NOL9: variants seen among roughly 807,000 people sequenced by gnomAD.
The protein encoded by NOL9 is polynucleotide 5'-hydroxyl-kinase NOL9.
NOL9 carries 28 observed loss-of-function variants against 67.9 expected under a neutral mutation model. That is an observed-to-expected ratio of 0.41 (90% CI 0.31 to 0.57). The LOEUF (loss-of-function observed/expected upper bound fraction) is 0.57, where lower values mean the gene tolerates loss of function less well. NOL9 is among the 20% of genes least tolerant of loss of function. The pLI is 0.25. For missense variants in NOL9, 777 were observed against 897.0 expected, an observed-to-expected ratio of 0.87 and a Z score of 1.71; for synonymous variants, 356 against 352.2, an observed-to-expected ratio of 1.01 and a Z score of -0.12.
chr1:6,532,607 A>G lies in NOL9; in HGVS notation c.1391T>C (p.Met464Thr), dbSNP rs1371033018. The change falls in exon 8 of 12, where the codon ATG (methionine) becomes ACG (threonine). Residue 464 changes from methionine (M) to threonine (T), a missense_variant. By Grantham distance (81) the Met-to-Thr change is moderately conservative. Around this residue, in one of 2 missense-constraint regions of NOL9, gnomAD observed 413 missense variants for 552.6 expected, o/e 0.75. Coordinates refer to ENST00000377705, the MANE Select transcript of NOL9 (RefSeq NM_024654.5). ...TGCGAGTCTGAAACGTCGATTTCTC[A>G]TCTTGGTCTTGCTTTTTGTGTACAA... ...DGLYTKSKTKMRNRRFRLAAF... is the reference protein window; with the variant it reads ...DGLYTKSKTKTRNRRFRLAAF... 4.3e-6 allele frequency: 7 copies of G among 1,614,136 alleles called. No individual in the cohort carries two copies. In the South Asian group the frequency reaches 7.7e-5, roughly 18 times the overall value.
chr1:6,554,317 C>T lies in NOL9; in HGVS notation c.186G>A (p.Trp62Ter). The T allele has an allele frequency of 6.8e-7, 1 of 1,473,726 alleles. No individual in the cohort carries two copies. Among genetic ancestry groups the T allele is most frequent in the South Asian group, 1.4e-5 (1 of 74,026 alleles). The allele number at this position is 1,473,726 out of a possible 1,614,324, so 91.3% of individuals were successfully genotyped here. Residue 62 changes from tryptophan to a stop codon, truncating the protein, a stop_gained, in exon 1 of 12, where the codon TGG becomes TGA. Transcript: ENST00000377705. LOFTEE classifies it high-confidence loss of function. Reference protein sequence around the residue: ...LLQAQASGVDWREGARQVSRA... With the variant: ...LLQAQASGVD ...GCGACACCTGGCGGGCTCCCTCCCT[C>T]CAGTCCACGCCGGACGCCTGGGCTT...
chr1:6,531,305 C>G (rs777442644), intron 9 of NOL9, among the ~76,000 whole-genome samples: 27 of 152,044 alleles, frequency 1.8e-4, no homozygotes, highest in Non-Finnish European at 1.5e-5. Context: ...CCTCCGCCTC[C>G]TGGGTTCAAG....
chr1:6,546,804 G>A (rs1343634607), intron 3 of NOL9, among the ~76,000 whole-genome samples: 1 of 152,006 alleles, frequency 6.6e-6, no homozygotes, highest in Non-Finnish European at 1.5e-5. Flanking sequence ...ACTTATCCCT[G>A]CAACTAGTGC....
intron 2 of NOL9, among the ~76,000 whole-genome samples, chr1:6,549,922 G>T (rs762498636): frequency 6.6e-6 from 1 of 152,122 alleles, no homozygotes; most frequent in African/African-American, 2.4e-5. Context: ...AATTTTTCTT[G>T]TCAGTAAAAT....
At position 6,544,919 on chromosome 1, in the gene NOL9, T is replaced by A; in HGVS notation, c.884A>T (p.Glu295Val). 1 of 1,614,194 alleles carries A rather than the reference T, an allele frequency of 6.2e-7. No homozygotes were observed. Among genetic ancestry groups the A allele is most frequent in the Non-Finnish European group, 8.5e-7 (1 of 1,180,038 alleles). Reference sequence around the variant, plus strand: ...TAGAATGACAGGGCAGCCATCTACTTCTTCTGAATGGGAAACAAACATTGA... The same window carrying A: ...TAGAATGACAGGGCAGCCATCTACTACTTCTGAATGGGAAACAAACATTGA... ...LEELVNVSCE[E>V]VDGCPVILVC... Residue 295 changes from glutamate (E) to valine (V), a missense_variant, in exon 5 of 12, where the codon GAA (glutamate) becomes GTA (valine). By Grantham distance (121) the Glu-to-Val change is moderately radical. Transcript: ENST00000377705.
intron 1 of NOL9, among the ~76,000 whole-genome samples, chr1:6,551,697 G>A (rs1395047517): frequency 6.6e-6 from 1 of 152,152 alleles, no homozygotes; most frequent in East Asian, 1.9e-4. Flanking sequence ...CTTGGATGGA[G>A]CTGGAAGCCG....
rs747763457 is a variant in NOL9, at chr1:6,526,682, G to T, written c.1959+14C>A. 6.2e-7 allele frequency: 1 copy of T among 1,603,844 alleles called. No homozygotes were observed. Among genetic ancestry groups the T allele is most frequent in the South Asian group, 1.1e-5 (1 of 89,342 alleles). On this transcript the variant is annotated intron_variant, in intron 11 of 11. Coordinates refer to ENST00000377705, the MANE Select transcript of NOL9 (RefSeq NM_024654.5). ...GTAGGCTCCTTCCAGGGCTGTGCCC[G>T]GGGGAAGGCTCACCTGGCACTTAAG...
rs763584317 is a variant in NOL9 at position 6,544,900 on chromosome 1, G to A, written c.903C>T (p.Val301=). 3.1e-6 allele frequency: 5 copies of A among 1,614,064 alleles called. No homozygotes were observed. Residue 301 remains valine, a synonymous_variant, in exon 5 of 12, where the codon GTC becomes GTT. Transcript: ENST00000377705. ...CATCCTGGGATCCACAAACTAGAAT[G>A]ACAGGGCAGCCATCTACTTCTTCTG... ...VSCEEVDGCP[V]ILVCGSQDVG... is the part of the protein sequence containing the mutation.
rs867969656 is a variant in NOL9, at chr1:6,523,175, A to C, written c.*2679T>G. On this transcript the variant is annotated 3_prime_UTR_variant, in exon 12 of 12. Coordinates refer to ENST00000377705, the MANE Select transcript of NOL9 (RefSeq NM_024654.5). ...AGACTCTGTCTCAAAAAAAAAGAAA[A>C]AAAAAAAAGAATAGCTCCAATGGAG... 2 of 152,084 alleles carry C rather than the reference A, an allele frequency of 1.3e-5. No homozygotes were observed. The highest frequency in any genetic ancestry group is 1.9e-4 in the East Asian group (1 of 5,158). 9.4% of individuals were successfully genotyped at this position (152,084 alleles called of 1,614,324 possible). A position where few individuals can be genotyped will look rare whatever the true frequency, so the allele number is the denominator to read the frequency against.
chr1:6,538,655 C>T lies in NOL9; in HGVS notation c.1075+3175G>A, dbSNP rs144876440. The stretch of plus-strand genomic sequence containing the variant: ...CTACTTCACTCCAGCCTCGGCACTC[C>T]GTCTCAAAAAGGAAAACAAACAGAC... On this transcript the variant is annotated intron_variant, in intron 6 of 11. Transcript: ENST00000377705. Among the ~76,000 whole-genome samples, 34 of 151,456 alleles carry T rather than the reference C, an allele frequency of 2.2e-4. No individual in the cohort carries two copies. In the East Asian group the frequency reaches 6.2e-3, roughly 28 times the overall value.
At position 6,554,187 on chromosome 1, in the gene NOL9, T is replaced by C; in HGVS notation, c.316A>G (p.Ser106Gly). Residue 106 changes from serine to glycine, a missense_variant, in exon 1 of 12, where the codon AGT becomes GGT. Around this residue, in one of 2 missense-constraint regions of NOL9, gnomAD observed 364 missense variants for 344.4 expected, o/e 1.06. Transcript: ENST00000377705. The stretch of plus-strand genomic sequence containing the variant: ...GGGATGAGGAGAGGCCGGTGGCAAC[T>C]CGAGGCGGATTCGAGTTCGGGTTCG... ...ESEPELESAS[S>G]CHRPLLIPPV... 6.6e-7 allele frequency: 1 copy of C among 1,522,010 alleles called. No individual in the cohort carries two copies. The highest frequency in any genetic ancestry group is 8.8e-7 in the Non-Finnish European group (1 of 1,134,250). The allele number at this position is 1,522,010 out of a possible 1,614,324, so 94.3% of individuals were successfully genotyped here.
Position 6,544,821 on chromosome 1 carries a change from C to T in NOL9, c.977+5G>A. The T allele has an allele frequency of 6.2e-7, 1 of 1,613,850 alleles. No homozygotes were observed. Among genetic ancestry groups the T allele is most frequent in the Non-Finnish European group, 8.5e-7 (1 of 1,179,778 alleles). ...GTGTCAAAGCCATAAGAAAAGCACT[C>T]TTACCTATTTAACAAATGGTTAATC... On this transcript the variant is annotated splice_donor_5th_base_variant and intron_variant, in intron 5 of 11. Coordinates refer to ENST00000377705, the MANE Select transcript of NOL9 (RefSeq NM_024654.5).
At chr1:6,536,252 A>AG (rs1639153417) in intron 6 of NOL9, among the ~76,000 whole-genome samples, 1 of 152,110 alleles carries the variant, frequency 6.6e-6, no homozygotes, top group African/African-American at 2.4e-5. Flanking sequence ...AGGCTGAGGC[A>AG]GGAGAATGGC....
At chr1:6,545,219 ATATT>A in intron 3 of NOL9, 39 bp from the exon 4 acceptor site, 1 of 1,584,496 alleles carries the variant, frequency 6.3e-7, no homozygotes, top group Non-Finnish European at 8.6e-7. Context: ...GAAAAAATGC[ATATT>A]TTTTTCTTCA....
chr1:6,528,811 C>A (rs113891088), intron 10 of NOL9, among the ~76,000 whole-genome samples, 183 bp downstream of exon 10: 1,585 of 152,302 alleles, frequency 0.01, 19 homozygotes, highest in Middle Eastern at 0.065. Flanking sequence ...AGCTGGCAGA[C>A]GAAGCAGAGA....
intron 1 of NOL9, 97 bp from the exon 2 acceptor site, chr1:6,550,712 T>G: frequency 7.8e-6 from 7 of 891,878 alleles, no homozygotes; most frequent in East Asian, 2.7e-5. Context: ...AGATGGAGTT[T>G]TGCTCTTGTT....
At chr1:6,536,007 G>A (rs559456687) in intron 6 of NOL9, among the ~76,000 whole-genome samples, 12 of 151,914 alleles carry the variant, frequency 7.9e-5, no homozygotes, top group African/African-American at 1.7e-4. Context: ...GGTCCAGACC[G>A]GGCTACAAAG....
At position 6,532,016 on chromosome 1, in the gene NOL9, G is replaced by T; in HGVS notation, c.1599C>A (p.Pro533=). 6.2e-7 allele frequency: 1 copy of T among 1,614,162 alleles called. No individual in the cohort carries two copies. The highest frequency in any genetic ancestry group is 8.5e-7 in the Non-Finnish European group (1 of 1,180,030). The change falls in exon 9 of 12, where the codon CCC becomes CCA. Residue 533 remains proline (P), a synonymous_variant. Transcript: ENST00000377705. ...AAGGAGAAAGTGGTTTGGGCATCGG[G>T]GGCTGCAGCTGGCTAAGGTAACTCA... is the stretch of plus-strand genomic sequence containing the variant. The part of the protein sequence containing the change: ...SILSYLSQLQ[P]PMPKPLSPLH...
At position 6,521,969 on chromosome 1, in the gene NOL9, A is replaced by G. The variant is rs1369566537; in HGVS notation, c.*3885T>C. The G allele has an allele frequency of 6.6e-6, 1 of 152,214 alleles. No individual in the cohort carries two copies. Among genetic ancestry groups the G allele is most frequent in the Non-Finnish European group, 1.5e-5 (1 of 68,050 alleles). 9.4% of individuals were successfully genotyped at this position (152,214 alleles called of 1,614,324 possible). Reference sequence around the variant, plus strand: ...CTTCCTCCAAGTTACACCACTGACAAGTGGTAGAGCCAGGATTTGAACTCA... The same window carrying G: ...CTTCCTCCAAGTTACACCACTGACAGGTGGTAGAGCCAGGATTTGAACTCA... On this transcript the variant is annotated 3_prime_UTR_variant, in exon 12 of 12. Coordinates refer to ENST00000377705, the MANE Select transcript of NOL9 (RefSeq NM_024654.5).
Sources: gnomAD v4.1 joint callset for allele counts (sites outside exome capture counted in the v4.1 genomes callset) on GRCh38, gnomAD v4.1.1 for gene constraint, gnomAD v4.1.1 regional missense constraint, MANE v1.5 for transcripts, NCBI Gene and HGNC (gene_info 2026-07-23, HGNC 2026-07-21) for gene names.